Variants in TMEM71 observed in about 807,000 individuals in gnomAD.
TMEM71 encodes transmembrane protein 71.
A neutral mutation model predicts 38.0 loss-of-function variants in TMEM71; 44 were observed. The ratio of observed to expected loss-of-function variants is 1.16; its 90% CI spans 0.91 to 1.49. TMEM71 has a LOEUF of 1.49. TMEM71 is among the 40% of genes most tolerant of loss of function. The probability of loss-of-function intolerance (pLI) is 0.00; values close to 1 mark genes in which losing one functional copy is unlikely to be tolerated. For synonymous variants in TMEM71, 133 were observed against 122.5 expected (o/e 1.09, Z -0.56); for missense variants, 367 against 348.6 (o/e 1.05, Z -0.42).
chr8:132,751,172 C>G (rs1307814109), intron 4 of TMEM71, among the ~76,000 whole-genome samples: 1 of 152,188 alleles, frequency 6.6e-6, no homozygotes, highest in Non-Finnish European at 1.5e-5. Context: ...TAACCCCTTT[C>G]ATCCAGCCCC....
At chr8:132,721,904 C>T (rs1826872637) in intron 7 of TMEM71, 136 bp downstream of exon 7, 1 of 776,568 alleles carries the variant, frequency 1.3e-6, no homozygotes, top group Non-Finnish European at 2.3e-6. Context: ...GGAAACTTAT[C>T]ATGGACAGAC....
the TMEM71 span, among the ~76,000 whole-genome samples, chr8:132,775,205 T>A: frequency 2.6e-5 from 4 of 151,674 alleles, no homozygotes; most frequent in Admixed American, 1.3e-4. Context: ...TCGCGTTCTT[T>A]CCTCCAGTAA....
chr8:132,746,434 T>TATATAC (rs1216698207), intron 5 of TMEM71, among the ~76,000 whole-genome samples: 2 of 16,524 alleles, frequency 1.2e-4, no homozygotes, highest in African/African-American at 2.4e-4. Flanking sequence ...TATACATATA[T>TATATAC]ATATACATAT....
At chr8:132,764,288 TTGTGTGTG>T (rs5895159), upstream of TMEM71, among the ~76,000 whole-genome samples, 4 of 149,062 alleles carry the variant, frequency 2.7e-5, no homozygotes, top group African/African-American at 9.9e-5. Context: ...AACTGGGAGG[TTGTGTGTG>T]TGTGTGTGTG....
chr8:132,745,568 T>C (rs927221375), intron 5 of TMEM71, among the ~76,000 whole-genome samples: 1 of 152,136 alleles, frequency 6.6e-6, no homozygotes, highest in African/African-American at 2.4e-5. Flanking sequence ...TGCTTATACA[T>C]TGTTGGTGGG....
At chr8:132,708,341 C>T (rs978755300), downstream of TMEM71, among the ~76,000 whole-genome samples, 4 of 152,204 alleles carry the variant, frequency 2.6e-5, no homozygotes, top group Non-Finnish European at 5.9e-5. Context: ...AGTAGTGGGG[C>T]TCAAGAGCAA....
At chr8:132,736,606 G>T (rs1330811891) in intron 5 of TMEM71, among the ~76,000 whole-genome samples, 2 of 152,034 alleles carry the variant, frequency 1.3e-5, no homozygotes, top group Non-Finnish European at 2.9e-5. Context: ...AAGGAGGGCA[G>T]ATTACTTGAG....
chr8:132,714,390 G>C (rs1470809173), intron 7 of TMEM71, among the ~76,000 whole-genome samples, 175 bp from the exon 8 acceptor site: 2 of 152,184 alleles, frequency 1.3e-5, no homozygotes, highest in Non-Finnish European at 2.9e-5. Context: ...AGAGTAGACA[G>C]CCCAGAAGTA....
At chr8:132,766,783 T>TAAAAAAA in the TMEM71 span, among the ~76,000 whole-genome samples, 1 of 75,046 alleles carries the variant, frequency 1.3e-5, no homozygotes. Flanking sequence ...AGACTCTGTC[T>TAAAAAAA]AAAAAAAAAA....
intron 5 of TMEM71, among the ~76,000 whole-genome samples, chr8:132,744,043 C>T (rs1828199340): frequency 6.6e-6 from 1 of 152,068 alleles, no homozygotes; most frequent in Non-Finnish European, 1.5e-5. Flanking sequence ...ATGGCACCTA[C>T]CACAATCATT....
intron 5 of TMEM71, among the ~76,000 whole-genome samples, chr8:132,740,188 T>C (rs998366132): frequency 2.6e-5 from 4 of 152,206 alleles, no homozygotes; most frequent in Middle Eastern, 3.4e-3. Context: ...GTCTTTTCCC[T>C]ACTATCCCCC....
chr8:132,716,191 G>A (rs1042391667), intron 7 of TMEM71, among the ~76,000 whole-genome samples: 9 of 152,218 alleles, frequency 5.9e-5, no homozygotes, highest in Non-Finnish European at 1.0e-4. Flanking sequence ...GGAAGCGCCT[G>A]CTCCTGCCCC....
chr8:132,771,251 T>C, the TMEM71 span, among the ~76,000 whole-genome samples: 1 of 152,192 alleles, frequency 6.6e-6, no homozygotes, highest in African/African-American at 2.4e-5. Context: ...CCACCTGTCA[T>C]TCTGGTATAA....
chr8:132,714,777 G>A (rs1826412772), intron 7 of TMEM71, among the ~76,000 whole-genome samples: 1 of 152,122 alleles, frequency 6.6e-6, no homozygotes, highest in African/African-American at 2.4e-5. Flanking sequence ...AAAAGACAAG[G>A]CGCAGTCTGT....
downstream of TMEM71, among the ~76,000 whole-genome samples, chr8:132,707,009 A>G (rs1226825139): frequency 6.6e-6 from 1 of 152,222 alleles, no homozygotes; most frequent in Non-Finnish European, 1.5e-5. Flanking sequence ...AATACAGAAG[A>G]CTAAGGAAGA....
At chr8:132,765,046 C>T (rs764338904), upstream of TMEM71, among the ~76,000 whole-genome samples, 2 of 152,206 alleles carry the variant, frequency 1.3e-5, no homozygotes, top group Non-Finnish European at 2.9e-5. Flanking sequence ...GCAATTTTAT[C>T]ATAACAGTTA....
intron 4 of TMEM71, among the ~76,000 whole-genome samples, chr8:132,747,764 C>G (rs1164506700): frequency 6.6e-6 from 1 of 152,134 alleles, no homozygotes; most frequent in Non-Finnish European, 1.5e-5. Context: ...ATTGAGGAAC[C>G]AGTAAGTCTG....
At chr8:132,739,337 A>T (rs1827915998) in intron 5 of TMEM71, among the ~76,000 whole-genome samples, 2 of 151,948 alleles carry the variant, frequency 1.3e-5, no homozygotes, top group African/African-American at 4.8e-5. Flanking sequence ...TTTGAGATGG[A>T]GTCTCGCTCT....
At chr8:132,712,826 T>A (rs1317177851) in intron 9 of TMEM71, among the ~76,000 whole-genome samples, 1 of 142,378 alleles carries the variant, frequency 7.0e-6, no homozygotes, top group African/African-American at 3.1e-5. Context: ...CATTAACTCC[T>A]TTTTCTTTTT....
Sources: gnomAD v4.1 joint callset for allele counts (sites outside exome capture counted in the v4.1 genomes callset) on GRCh38, gnomAD v4.1.1 for gene constraint, MANE v1.5 for transcripts, NCBI Gene and HGNC (gene_info 2026-07-23, HGNC 2026-07-21) for gene names.